The following ASXL2 variants were observed in gnomAD, a reference collection of about 807,000 sequenced individuals.
ASXL2 encodes the protein putative Polycomb group protein ASXL2.
Under a neutral mutation model 122.0 loss-of-function variants are expected in ASXL2, and 23 were observed. The ratio of observed to expected loss-of-function variants is 0.19; its 90% confidence interval spans 0.14 to 0.27. The LOEUF (loss-of-function observed/expected upper bound fraction) is 0.27, where lower values mean the gene tolerates loss of function less well. Among genes scored for constraint, ASXL2 ranks in the 10% least tolerant of loss-of-function variants. ASXL2 has a pLI of 1.00. For synonymous variants in ASXL2, 650 were observed against 637.0 expected (o/e 1.02, Z -0.31); for missense variants, 1,518 against 1,713.8 (o/e 0.89, Z 2.02).
At chr2:25,797,731 C>A (rs1201371853) in intron 5 of ASXL2, among the ~76,000 whole-genome samples, 2 of 152,198 alleles carry the variant, frequency 1.3e-5, no homozygotes, top group East Asian at 3.9e-4. Context: ...AATAACCACA[C>A]TAAATGCTGA....
chr2:25,782,303 G>A (rs139979149), intron 5 of ASXL2, among the ~76,000 whole-genome samples: 2,614 of 152,064 alleles, frequency 0.017, 77 homozygotes, highest in African/African-American at 0.057. Flanking sequence ...CCAGCACTTT[G>A]GGAGGCTGAG....
At chr2:25,849,053 A>C in intron 1 of ASXL2, among the ~76,000 whole-genome samples, 1 of 108,052 alleles carries the variant, frequency 9.3e-6, no homozygotes, top group African/African-American at 3.0e-5. Flanking sequence ...CTCAAAAAAA[A>C]AAAAAATTTA....
chr2:25,793,803 C>A (rs1262929880), intron 5 of ASXL2, among the ~76,000 whole-genome samples: 2 of 152,124 alleles, frequency 1.3e-5, no homozygotes, highest in Non-Finnish European at 2.9e-5. Flanking sequence ...ACTAGGCAGG[C>A]GGTGTTTCCT....
chr2:25,803,143 A>ATGAG (rs2149172914), intron 4 of ASXL2, among the ~76,000 whole-genome samples: 1 of 151,902 alleles, frequency 6.6e-6, no homozygotes, highest in South Asian at 2.1e-4. Context: ...AAATGAATGA[A>ATGAG]TGAATGAATG....
At chr2:25,799,354 AG>A in intron 5 of ASXL2, 30 bp downstream of exon 5, 2 of 1,613,842 alleles carry the variant, frequency 1.2e-6, no homozygotes, top group Non-Finnish European at 1.7e-6. Flanking sequence ...TACAGCATTT[AG>A]TACTTTATTG....
chr2:25,819,290 A>G (rs1376217253), intron 3 of ASXL2, among the ~76,000 whole-genome samples: 1 of 152,232 alleles, frequency 6.6e-6, no homozygotes, highest in Admixed American at 6.5e-5. Flanking sequence ...CTGTGATAAT[A>G]TTGTTAAGCA....
chr2:25,781,075 AAG>A, intron 5 of ASXL2, among the ~76,000 whole-genome samples: 1 of 151,810 alleles, frequency 6.6e-6, no homozygotes, highest in Non-Finnish European at 1.5e-5. Flanking sequence ...AAAAAAAAAA[AAG>A]AAAAGAAATT....
In ASXL2 at chr2:25,744,257, C is replaced by A; in HGVS notation, c.2080G>T (p.Gly694Cys). 3 of 1,614,018 alleles carry A rather than the reference C, an allele frequency of 1.9e-6. No homozygotes were observed. The highest frequency in any genetic ancestry group is 2.5e-6 in the Non-Finnish European group (3 of 1,179,886). ...CCTGGACCTTGTCCACCCCCTGGGC[C>A]AGGTCCTGGAATGGTCCCTCCAACT... is the stretch of plus-strand genomic sequence containing the variant. Reference protein sequence around the residue: ...ASVGGTIPGPGPGGGQGPGEG... With the variant: ...ASVGGTIPGPCPGGGQGPGEG... The change falls in exon 13 of 13, where the codon GGC becomes TGC. Residue 694 changes from glycine to cysteine, a missense_variant. Coordinates refer to ENST00000435504, the MANE Select transcript of ASXL2 (RefSeq NM_018263.6). This position sits in a 1 kb window ranked among gnomAD's most constrained non-coding sequence, Gnocchi z 4.7.
At chr2:25,772,980 A>C (rs894466143) in intron 5 of ASXL2, among the ~76,000 whole-genome samples, 1 of 150,796 alleles carries the variant, frequency 6.6e-6, no homozygotes, top group Non-Finnish European at 1.5e-5. Context: ...AGGCTGAGGC[A>C]GGCGGATCGA....
intron 3 of ASXL2, among the ~76,000 whole-genome samples, chr2:25,826,456 ATT>A (rs1323782568): frequency 1.3e-5 from 2 of 152,172 alleles, no homozygotes; most frequent in Admixed American, 6.5e-5. Flanking sequence ...GTCTGCCAAT[ATT>A]TGTTATCCCC....
At chr2:25,856,978 C>A in intron 1 of ASXL2, 1 of 382,488 alleles carries the variant, frequency 2.6e-6, no homozygotes, top group Non-Finnish European at 4.8e-6. Context: ...AGAATAATGC[C>A]AAATAACAGT....
In ASXL2 at chr2:25,734,549, T is replaced by G. The variant is rs147889220; in HGVS notation, c.*7480A>C. ...CTTTCCATAGGAAAGACATAAGCTT[T>G]GTGTAAAATAGTTCTAAAGTATCTT... On this transcript the variant is annotated 3_prime_UTR_variant, in exon 13 of 13. Coordinates refer to ENST00000435504, the MANE Select transcript of ASXL2 (RefSeq NM_018263.6). The G allele has an allele frequency of 2.0e-5, 3 of 152,360 alleles. No homozygotes were observed. Among genetic ancestry groups the G allele is most frequent in the Admixed American group, 2.0e-4 (3 of 15,300 alleles). The allele number at this position is 152,360 out of a possible 1,614,324, so 9.4% of individuals were successfully genotyped here.
chr2:25,849,866 T>C (rs927410525), intron 1 of ASXL2, among the ~76,000 whole-genome samples: 3 of 152,142 alleles, frequency 2.0e-5, no homozygotes, highest in African/African-American at 7.2e-5. Flanking sequence ...TAGAAAAGTA[T>C]TATACTAAAT....
intron 3 of ASXL2, among the ~76,000 whole-genome samples, chr2:25,809,584 G>T (rs751254149): frequency 1.3e-5 from 2 of 152,192 alleles, no homozygotes; most frequent in Non-Finnish European, 2.9e-5. Context: ...GGAATAGATT[G>T]CTGCTTCAGA....
chr2:25,749,500 G>T (rs986685868), intron 12 of ASXL2, among the ~76,000 whole-genome samples, 196 bp downstream of exon 12: 2 of 152,192 alleles, frequency 1.3e-5, no homozygotes, highest in Non-Finnish European at 2.9e-5. Flanking sequence ...CATCAGTAAA[G>T]ACCTGTATGT....
chr2:25,840,789 TACC>T lies in ASXL2; in HGVS notation c.140+4689_140+4691del, dbSNP rs1298660314. ...ATCTGTTCATAAATATTTCAGTTGTTACCACTTTAATAAATTTTAAAATCAAAC... is the reference window on the plus strand; with the variant it reads ...ATCTGTTCATAAATATTTCAGTTGTTACTTTAATAAATTTTAAAATCAAAC... On this transcript the variant is annotated intron_variant, in intron 2 of 12. Coordinates refer to ENST00000435504, the MANE Select transcript of ASXL2 (RefSeq NM_018263.6). Among the ~76,000 whole-genome samples the T allele has an allele frequency of 2.0e-5, 3 of 152,248 alleles. No individual in the cohort carries two copies. The South Asian group carries it at 6.2e-4, about 31-fold the overall frequency.
intron 5 of ASXL2, among the ~76,000 whole-genome samples, chr2:25,795,100 T>G (rs532100509): frequency 1.3e-5 from 2 of 152,306 alleles, no homozygotes; most frequent in South Asian, 4.1e-4. Flanking sequence ...CAGAGCTGCT[T>G]AAACATGAAT....
At chr2:25,850,370 T>C (rs1039406133) in intron 1 of ASXL2, among the ~76,000 whole-genome samples, 9 of 152,368 alleles carry the variant, frequency 5.9e-5, no homozygotes, top group African/African-American at 2.2e-4. Context: ...TGGGTTTCTC[T>C]CACTTTTTCT....
At chr2:25,835,830 G>T (rs961425372) in intron 2 of ASXL2, among the ~76,000 whole-genome samples, 2 of 152,096 alleles carry the variant, frequency 1.3e-5, no homozygotes, top group Non-Finnish European at 2.9e-5. Flanking sequence ...AACTGTTAGG[G>T]CATTTAAATG....
Sources: gnomAD v4.1 joint callset for allele counts (sites outside exome capture counted in the v4.1 genomes callset) on GRCh38, gnomAD v4.1.1 for gene constraint, Gnocchi (gnomAD v3.1) non-coding constraint, MANE v1.5 for transcripts, NCBI Gene and HGNC (gene_info 2026-07-23, HGNC 2026-07-21) for gene names.